Variants in SCNN1B observed in about 807,000 individuals in gnomAD.
The protein encoded by SCNN1B is sodium channel epithelial 1 subunit beta, also known as epithelial sodium channel subunit beta.
Under a neutral mutation model 65.3 loss-of-function variants are expected in SCNN1B, and 46 were observed. The observed-to-expected ratio is 0.70, with a 90% CI of 0.56 to 0.90. The LOEUF is 0.90. Ranked by LOEUF, SCNN1B falls within the 40% of genes least tolerant of loss-of-function variation. The pLI is 0.00. For synonymous variants in SCNN1B, 349 were observed against 330.6 expected (o/e 1.06, Z -0.60); for missense variants, 751 against 830.5 (o/e 0.90, Z 1.18).
At chr16:23,318,434 C>A (rs1422423119) in intron 1 of SCNN1B, among the ~76,000 whole-genome samples, 1 of 152,072 alleles carries the variant, frequency 6.6e-6, no homozygotes, top group Non-Finnish European at 1.5e-5. Context: ...CATAGTGAAA[C>A]CCCATCTCTA....
intron 1 of SCNN1B, among the ~76,000 whole-genome samples, chr16:23,305,003 C>T (rs61188192): frequency 0.06 from 9,107 of 152,028 alleles, 935 homozygotes; most frequent in African/African-American, 0.21. Context: ...GGTGGGGGGA[C>T]GCAGGGGTGA....
Position 23,320,780 on chromosome 16 carries a change from G to A in SCNN1B, c.-9+18343G>A, listed in dbSNP as rs761929803. On this transcript the variant is annotated intron_variant, in intron 1 of 12. Coordinates refer to ENST00000343070, the MANE Select transcript of SCNN1B (RefSeq NM_000336.3). ...GGGTAGGCCCTGGCCTTCAGCTTCA[G>A]GCCTGGAGCCCCAGGGATGGGAGGG... Among the ~76,000 whole-genome samples the A allele has an allele frequency of 1.1e-4, 17 of 152,196 alleles. 1 individual carries two copies. The highest frequency in any genetic ancestry group is 1.8e-4 in the Non-Finnish European group (12 of 68,020).
intron 3 of SCNN1B, among the ~76,000 whole-genome samples, chr16:23,354,831 A>G (rs1453417910): frequency 6.6e-6 from 1 of 152,126 alleles, no homozygotes; most frequent in Non-Finnish European, 1.5e-5. Flanking sequence ...GGTCAGAGAG[A>G]GGGCATCTTC....
At chr16:23,298,387 C>A (rs748815995), upstream of SCNN1B, among the ~76,000 whole-genome samples, 1 of 152,188 alleles carries the variant, frequency 6.6e-6, no homozygotes, top group Non-Finnish European at 1.5e-5. Flanking sequence ...GCAAGGCTAC[C>A]CCATGACGGC....
intron 1 of SCNN1B, among the ~76,000 whole-genome samples, chr16:23,347,241 G>A (rs559121998): frequency 2.0e-5 from 3 of 151,762 alleles, no homozygotes; most frequent in Admixed American, 6.6e-5. Context: ...TGGATTCTTC[G>A]CTTAACATCT....
chr16:23,279,767 T>C (rs542545438), intron 1 of SCNN1B, among the ~76,000 whole-genome samples: 1 of 152,286 alleles, frequency 6.6e-6, no homozygotes, highest in South Asian at 2.1e-4. Flanking sequence ...TGCAGCTCTT[T>C]AAACCCAGCC....
At chr16:23,319,389 A>C (rs114183480) in intron 1 of SCNN1B, among the ~76,000 whole-genome samples, 1,880 of 152,286 alleles carry the variant, frequency 0.012, 51 homozygotes, top group African/African-American at 0.042. Flanking sequence ...CCAGCCTGGC[A>C]GTCTGCATAC....
At chr16:23,283,881 C>T (rs1234488907) in intron 2 of SCNN1B, 1 of 152,138 alleles carries the variant, frequency 6.6e-6, no homozygotes, top group South Asian at 2.1e-4. Flanking sequence ...CTTGGTCCAC[C>T]TAGAAGGAGC....
At chr16:23,357,565 A>T (rs1416524894) in intron 4 of SCNN1B, among the ~76,000 whole-genome samples, 13 of 152,264 alleles carry the variant, frequency 8.5e-5, no homozygotes, top group Admixed American at 6.5e-5. Context: ...CCTGGGCAGC[A>T]GAGTGAGACT....
At chr16:23,305,577 TTATA>T (rs10571485) in intron 1 of SCNN1B, among the ~76,000 whole-genome samples, 1,260 of 23,528 alleles carry the variant, frequency 0.054, 102 homozygotes, top group African/African-American at 0.28. Flanking sequence ...TATATATATA[TTATA>T]TATATATATA....
Position 23,336,547 on chromosome 16 carries a change from T to C in SCNN1B, c.-8-12045T>C, listed in dbSNP as rs576811803. 3.3e-4 allele frequency among the ~76,000 whole-genome samples: 50 copies of C among 152,160 alleles called. 2 individuals carry two copies. In the South Asian group the frequency reaches 0.01, roughly 32 times the overall value. On this transcript the variant is annotated intron_variant, in intron 1 of 12. Coordinates refer to ENST00000343070, the MANE Select transcript of SCNN1B (RefSeq NM_000336.3). ...CCACCATGCCCAGCTAATTTGTGTA[T>C]TTTTAGTAGAGACGGGGTTTCACCA...
chr16:23,287,991 C>CAAA (rs113127053), intron 2 of SCNN1B, among the ~76,000 whole-genome samples: 106 of 114,616 alleles, frequency 9.2e-4, no homozygotes, highest in African/African-American at 1.9e-3. Context: ...CCCATCTCTA[C>CAAA]AAAAAAAAAA....
chr16:23,341,029 T>C (rs1962044144), intron 1 of SCNN1B, among the ~76,000 whole-genome samples: 1 of 152,204 alleles, frequency 6.6e-6, no homozygotes, highest in Non-Finnish European at 1.5e-5. Context: ...AAAATTCTGC[T>C]AGGATTTTGG....
At chr16:23,285,446 A>G (rs1168524047) in intron 2 of SCNN1B, among the ~76,000 whole-genome samples, 1 of 152,168 alleles carries the variant, frequency 6.6e-6, no homozygotes. Flanking sequence ...TGCTGAGATT[A>G]CAGGCATGAA....
rs1187048922 is a variant in SCNN1B at position 23,348,770 on chromosome 16, G to C, written c.171G>C (p.Leu57=). ...KKKAMWFLLT[L]LFAALVCWQW... The stretch of plus-strand genomic sequence containing the variant: ...AAGCCATGTGGTTCCTGCTCACCCT[G>C]CTCTTCGCCGCCCTCGTCTGCTGGC... Residue 57 remains leucine (L), a synonymous_variant, in exon 2 of 13, where the codon CTG becomes CTC. Coordinates refer to ENST00000343070, the MANE Select transcript of SCNN1B (RefSeq NM_000336.3). This position sits in a 1 kb window ranked among gnomAD's most constrained non-coding sequence, Gnocchi z 4.5. The C allele has an allele frequency of 2.5e-6, 4 of 1,614,062 alleles. No homozygotes were observed. The highest frequency in any genetic ancestry group is 2.2e-5 in the East Asian group (1 of 44,886).
intron 1 of SCNN1B, among the ~76,000 whole-genome samples, chr16:23,314,685 G>A (rs1390958951): frequency 6.6e-6 from 1 of 152,166 alleles, no homozygotes; most frequent in Non-Finnish European, 1.5e-5. Context: ...CAAGTGTAAG[G>A]TTTCGGCTTT....
chr16:23,343,581 G>GAGAAGAAAGAA (rs1346226245), intron 1 of SCNN1B, among the ~76,000 whole-genome samples: 1 of 70,324 alleles, frequency 1.4e-5, no homozygotes, highest in Non-Finnish European at 2.6e-5. Flanking sequence ...GAAAGAAAAA[G>GAGAAGAAAGAA]AGAAAGAAAG....
Position 23,380,666 on chromosome 16 carries a change from C to T in SCNN1B, c.1788C>T (p.Pro596=), listed in dbSNP as rs1288718797. Residue 596 remains proline (P), a synonymous_variant, in exon 13 of 13, where the codon CCC becomes CCT. Coordinates refer to ENST00000343070, the MANE Select transcript of SCNN1B (RefSeq NM_000336.3). The surrounding 1 kb of genome is among the most constrained non-coding windows in gnomAD (Gnocchi z 5.4). The part of the protein sequence containing the change: ...TNFGFQPDTA[P]RSPNTGPYPS... ...TTGGCTTCCAGCCTGACACGGCCCCCCGCAGCCCCAACACTGGGCCCTACC... is the reference window on the plus strand; with the variant it reads ...TTGGCTTCCAGCCTGACACGGCCCCTCGCAGCCCCAACACTGGGCCCTACC... 4 of 1,612,558 alleles carry T rather than the reference C, an allele frequency of 2.5e-6. No homozygotes were observed. Among genetic ancestry groups the T allele is most frequent in the South Asian group, 2.2e-5 (2 of 91,010 alleles).
chr16:23,351,559 G>T (rs1273469644), intron 2 of SCNN1B, among the ~76,000 whole-genome samples: 1 of 152,210 alleles, frequency 6.6e-6, no homozygotes, highest in Non-Finnish European at 1.5e-5. Context: ...AGCTCTGGCT[G>T]CTGTACACCT....
Sources: gnomAD v4.1 joint callset for allele counts (sites outside exome capture counted in the v4.1 genomes callset) on GRCh38, gnomAD v4.1.1 for gene constraint, Gnocchi (gnomAD v3.1) non-coding constraint, MANE v1.5 for transcripts, NCBI Gene and HGNC (gene_info 2026-07-23, HGNC 2026-07-21) for gene names.